Variants in EPB41L3 observed in about 807,000 individuals in gnomAD.
EPB41L3 encodes erythrocyte membrane protein band 4.1 like 3.
Under a neutral mutation model 127.1 loss-of-function variants are expected in EPB41L3, and 57 were observed. The observed-to-expected ratio is 0.45, with a 90% confidence interval of 0.36 to 0.56. The LOEUF (loss-of-function observed/expected upper bound fraction) is 0.56. EPB41L3 is among the 20% of genes least tolerant of loss of function. EPB41L3 has a pLI of 0.00. For missense variants in EPB41L3, 1,273 were observed against 1,372.2 expected (o/e 0.93, Z 1.14); for synonymous variants, 572 against 549.5 (o/e 1.04, Z -0.57).
chr18:5,437,295 A>G (rs1459417560), intron 6 of EPB41L3, among the ~76,000 whole-genome samples: 1 of 152,198 alleles, frequency 6.6e-6, no homozygotes, highest in Non-Finnish European at 1.5e-5. Context: ...CTTTCACCAC[A>G]TGAGGACACA....
At chr18:5,400,650 A>C (rs2074355005) in intron 16 of EPB41L3, 1 of 482,548 alleles carries the variant, frequency 2.1e-6, no homozygotes, top group African/African-American at 2.0e-5. Context: ...AACTTCATCT[A>C]AATTAGCACG....
chr18:5,551,043 G>A (rs1309253079), intron 3 of EPB41L3, among the ~76,000 whole-genome samples: 1 of 152,144 alleles, frequency 6.6e-6, no homozygotes, highest in Non-Finnish European at 1.5e-5. Context: ...TCTGAGCCAA[G>A]CTTTGGTGAA....
chr18:5,450,500 T>TAGG (rs958008812), intron 3 of EPB41L3, among the ~76,000 whole-genome samples: 4 of 151,812 alleles, frequency 2.6e-5, no homozygotes, highest in African/African-American at 9.7e-5. Context: ...AGGGGGTATA[T>TAGG]AGGAACTCTG....
At chr18:5,395,168 C>T (rs2073149793) in intron 20 of EPB41L3, 21 bp from the exon 21 acceptor site, 7 of 1,609,020 alleles carry the variant, frequency 4.4e-6, no homozygotes, top group Non-Finnish European at 5.1e-6. Flanking sequence ...CGTAGAGAAG[C>T]TTTATGAATT....
At chr18:5,559,226 A>G (rs1012915425) in intron 3 of EPB41L3, among the ~76,000 whole-genome samples, 1 of 152,212 alleles carries the variant, frequency 6.6e-6, no homozygotes, top group Non-Finnish European at 1.5e-5. Flanking sequence ...TCGACAATGA[A>G]ATGTTCTTAT....
intron 1 of EPB41L3, among the ~76,000 whole-genome samples, chr18:5,512,122 C>A (rs2092556769): frequency 6.6e-6 from 1 of 152,148 alleles, no homozygotes. Flanking sequence ...ATGAACACAG[C>A]ACAGTATGCT....
chr18:5,430,374 A>G (rs528659056), intron 8 of EPB41L3, among the ~76,000 whole-genome samples: 11 of 152,284 alleles, frequency 7.2e-5, no homozygotes, highest in Middle Eastern at 6.8e-3. Context: ...CCTACCTTGC[A>G]TGCATGAAGC....
intron 1 of EPB41L3, among the ~76,000 whole-genome samples, chr18:5,532,604 A>G (rs2093445782): frequency 6.6e-6 from 1 of 152,240 alleles, no homozygotes; most frequent in Non-Finnish European, 1.5e-5. Flanking sequence ...AAACACTGGC[A>G]GTAAGCTTAA....
chr18:5,415,961 A>C lies in EPB41L3; in HGVS notation c.1924T>G (p.Phe642Val), dbSNP rs771758610. 1 of 1,614,188 alleles carries C rather than the reference A, an allele frequency of 6.2e-7. No individual in the cohort carries two copies. The highest frequency in any genetic ancestry group is 8.5e-7 in the Non-Finnish European group (1 of 1,180,036). The stretch of plus-strand genomic sequence containing the variant: ...ACTGAGAAGGAGGCAGACAGCAGAA[A>C]GAAAAAGATGAAGAGGAAACAGGGC... Reference protein sequence around the residue: ...LVPCFLFIFFFLLSASFSVPY... With the variant: ...LVPCFLFIFFVLLSASFSVPY... The change falls in exon 13 of 23, where the codon TTT becomes GTT. Residue 642 changes from phenylalanine (F) to valine (V), a missense_variant. Around this residue, in one of 3 missense-constraint regions of EPB41L3, gnomAD observed 765 missense variants for 782.9 expected, o/e 0.98. Coordinates refer to ENST00000341928, the MANE Select transcript of EPB41L3 (RefSeq NM_012307.5).
intron 3 of EPB41L3, among the ~76,000 whole-genome samples, chr18:5,461,345 C>G (rs565879134): frequency 1.3e-5 from 2 of 152,146 alleles, no homozygotes; most frequent in Non-Finnish European, 2.9e-5. Flanking sequence ...GCTGCCTGTG[C>G]GTCTGCAAAC....
chr18:5,605,062 A>G (rs2094634987), intron 3 of EPB41L3, among the ~76,000 whole-genome samples: 1 of 152,102 alleles, frequency 6.6e-6, no homozygotes, highest in Non-Finnish European at 1.5e-5. Flanking sequence ...GGGAGGGCCA[A>G]CATCCAAAAT....
chr18:5,604,358 T>A (rs866753660), intron 3 of EPB41L3, among the ~76,000 whole-genome samples: 1 of 152,102 alleles, frequency 6.6e-6, no homozygotes, highest in South Asian at 2.1e-4. Context: ...ATATTTGCCA[T>A]TTGCTGCTTT....
intron 1 of EPB41L3, among the ~76,000 whole-genome samples, chr18:5,520,927 G>GTA (rs1329344418): frequency 3.3e-5 from 5 of 152,192 alleles, no homozygotes; most frequent in African/African-American, 1.2e-4. Flanking sequence ...CATAAACTCA[G>GTA]TATAGGTGGC....
chr18:5,483,195 C>T (rs2088943433), intron 2 of EPB41L3, among the ~76,000 whole-genome samples: 2 of 151,810 alleles, frequency 1.3e-5, no homozygotes, highest in South Asian at 4.2e-4. Context: ...TATGTGCGTG[C>T]ATGTGTGTAT....
chr18:5,400,823 C>G (rs1463202047), intron 16 of EPB41L3: 1 of 597,654 alleles, frequency 1.7e-6, no homozygotes, highest in African/African-American at 1.9e-5. Flanking sequence ...ATTTTCCCTT[C>G]CCCAGAATCT....
chr18:5,576,745 C>A (rs2094340086), intron 3 of EPB41L3, among the ~76,000 whole-genome samples: 1 of 152,184 alleles, frequency 6.6e-6, no homozygotes, highest in Non-Finnish European at 1.5e-5. Context: ...GTTGCGTGGC[C>A]AGTTGTTTTT....
chr18:5,448,519 T>C (rs2081850870), intron 3 of EPB41L3, among the ~76,000 whole-genome samples: 1 of 152,216 alleles, frequency 6.6e-6, no homozygotes, highest in Admixed American at 6.5e-5. Context: ...ATGTTTATTA[T>C]GGTTCCAAAA....
intron 1 of EPB41L3, among the ~76,000 whole-genome samples, chr18:5,514,526 TACAAG>T (rs36203352): frequency 0.2 from 30,703 of 152,068 alleles, 3,355 homozygotes; most frequent in African/African-American, 0.28. Context: ...TTCTCCTTTT[TACAAG>T]ACAAGTCCAC....
intron 1 of EPB41L3, among the ~76,000 whole-genome samples, chr18:5,524,638 C>G (rs1413926221): frequency 2.0e-5 from 3 of 152,308 alleles, no homozygotes; most frequent in African/African-American, 7.2e-5. Context: ...TTCGCTAAAA[C>G]GTAATTCAAT....
Sources: allele counts gnomAD v4.1 joint callset (sites outside exome capture counted in the v4.1 genomes callset), GRCh38; gene constraint gnomAD v4.1.1; regional missense constraint gnomAD v4.1.1; transcripts MANE v1.5; gene names NCBI Gene and HGNC (gene_info 2026-07-23, HGNC 2026-07-21).